The following ODAD4 variants were observed in gnomAD, a reference collection of about 807,000 sequenced individuals.
ODAD4 encodes outer dynein arm-docking complex subunit 4.
A neutral mutation model predicts 51.8 loss-of-function variants in ODAD4; 49 were observed. The observed-to-expected ratio is 0.95, with a 90% CI of 0.75 to 1.20. The LOEUF (loss-of-function observed/expected upper bound fraction) is 1.20. ODAD4 is among the 50% of genes most tolerant of loss of function. The pLI, the probability that ODAD4 is intolerant of heterozygous loss-of-function variation, is 0.00. For synonymous variants in ODAD4, 235 were observed against 221.3 expected (o/e 1.06, Z -0.55); for missense variants, 590 against 586.5 (o/e 1.01, Z -0.06).
chr17:41,956,337 C>T (rs1256373414), intron 10 of ODAD4, among the ~76,000 whole-genome samples: 1 of 152,006 alleles, frequency 6.6e-6, no homozygotes, highest in Non-Finnish European at 1.5e-5. Flanking sequence ...GTGTGAGCCA[C>T]TGTGCCTGGC....
At chr17:41,950,130 C>A (rs1375443810) in intron 9 of ODAD4, among the ~76,000 whole-genome samples, 1 of 151,054 alleles carries the variant, frequency 6.6e-6, no homozygotes, top group African/African-American at 2.4e-5. Flanking sequence ...CCACCACACC[C>A]GGCTAATTTT....
intron 9 of ODAD4, among the ~76,000 whole-genome samples, chr17:41,954,390 T>C (rs1026639564): frequency 9.9e-5 from 15 of 152,110 alleles, no homozygotes; most frequent in Non-Finnish European, 1.6e-4. Context: ...CAGCACTAAT[T>C]GGCACGGAGA....
At chr17:41,964,939 G>T in intron 11 of ODAD4, 54 bp from the exon 12 acceptor site, 1 of 651,044 alleles carries the variant, frequency 1.5e-6, no homozygotes, top group Non-Finnish European at 2.8e-6. Flanking sequence ...CACCGCACCC[G>T]GCCTGACATG....
chr17:41,939,226 G>A (rs1337017741), intron 7 of ODAD4, 54 bp downstream of exon 7: 1 of 1,506,718 alleles, frequency 6.6e-7, no homozygotes, highest in African/African-American at 1.4e-5. Context: ...GGACACCTGG[G>A]GCTATCTGAG....
At chr17:41,953,866 T>G (rs1246360474) in intron 9 of ODAD4, among the ~76,000 whole-genome samples, 1 of 151,166 alleles carries the variant, frequency 6.6e-6, no homozygotes, top group African/African-American at 2.4e-5. Context: ...CGGGTCTCAC[T>G]ATGTTGCCCA....
At chr17:41,951,935 C>T (rs1281955791) in intron 9 of ODAD4, among the ~76,000 whole-genome samples, 1 of 126,644 alleles carries the variant, frequency 7.9e-6, no homozygotes, top group African/African-American at 3.0e-5. Flanking sequence ...TAGTGGCTAA[C>T]ACTTATAATC....
In ODAD4 at chr17:41,966,418, TGGTA is replaced by T. The variant is rs1331928229; in HGVS notation, c.*936_*939del. Among the ~76,000 whole-genome samples, 5 of 152,036 alleles carry T rather than the reference TGGTA, an allele frequency of 3.3e-5. No individual in the cohort carries two copies. The highest frequency in any genetic ancestry group is 1.2e-4 in the African/African-American group (5 of 41,388). The stretch of plus-strand genomic sequence containing the variant: ...TGCATGATAATATTTTAATCCAATG[TGGTA>T]AAAAAAAAAGTTTTTAATTAATGCA... On this transcript the variant is annotated 3_prime_UTR_variant, in exon 12 of 12. Transcript: ENST00000377540.
intron 1 of ODAD4, 43 bp downstream of exon 1, chr17:41,930,880 AC>A: frequency 4.4e-5 from 6 of 135,224 alleles, no homozygotes; most frequent in Non-Finnish European, 7.4e-5. Context: ...ATCACCCGTC[AC>A]TTTTTTTTTT....
At chr17:41,935,151 C>G in intron 1 of ODAD4, 66 bp from the exon 2 acceptor site, 1 of 1,599,368 alleles carries the variant, frequency 6.3e-7, no homozygotes, top group Non-Finnish European at 8.5e-7. Context: ...TTTGGGCTGC[C>G]CTTCCCACTC....
rs2050318034 is a variant in ODAD4, at chr17:41,930,804, G to A, written c.81G>A (p.Gly27=). Residue 27 remains glycine, a synonymous_variant, in exon 1 of 12, where the codon GGG becomes GGA. Coordinates refer to ENST00000377540, the MANE Select transcript of ODAD4 (RefSeq NM_031421.5). The part of the protein sequence containing the change: ...MAEGERLYLC[G]EFSKAAQSFS... Reference sequence around the variant, plus strand: ...AAGGCGAGCGGCTCTACCTGTGCGGGGAATTTTCTAAAGCCGCGCAGAGCT... The same window carrying A: ...AAGGCGAGCGGCTCTACCTGTGCGGAGAATTTTCTAAAGCCGCGCAGAGCT... The A allele has an allele frequency of 5.0e-6, 8 of 1,592,874 alleles. No homozygotes were observed. The highest frequency in any genetic ancestry group is 1.7e-5 in the Admixed American group (1 of 58,150).
intron 7 of ODAD4, among the ~76,000 whole-genome samples, chr17:41,943,680 G>A (rs1555639003): frequency 1.3e-5 from 2 of 152,182 alleles, no homozygotes; most frequent in African/African-American, 2.4e-5. Flanking sequence ...TATACGTGCA[G>A]GTCACAGGAG....
chr17:41,958,269 C>T (rs1283782965), intron 10 of ODAD4, among the ~76,000 whole-genome samples: 1 of 152,176 alleles, frequency 6.6e-6, no homozygotes, highest in African/African-American at 2.4e-5. Context: ...GGTTTCACAG[C>T]CTTGATATGT....
intron 9 of ODAD4, among the ~76,000 whole-genome samples, chr17:41,950,263 C>G (rs2050635601): frequency 6.6e-6 from 1 of 152,174 alleles, no homozygotes; most frequent in Admixed American, 6.6e-5. Flanking sequence ...AGCCACCACA[C>G]CCAGCCAGCA....
intron 8 of ODAD4, among the ~76,000 whole-genome samples, chr17:41,946,447 C>A (rs958444536): frequency 6.6e-6 from 1 of 152,136 alleles, no homozygotes; most frequent in Non-Finnish European, 1.5e-5. Context: ...GTCTCAGCTT[C>A]CCGAGTAGCT....
At position 41,960,475 on chromosome 17, in the gene ODAD4, A is replaced by C. The variant is rs551735718; in HGVS notation, c.1444-907A>C. Among the ~76,000 whole-genome samples, 968 of 152,216 alleles carry C rather than the reference A, an allele frequency of 6.4e-3. 12 individuals are homozygous for C. Among genetic ancestry groups the C allele is most frequent in the African/African-American group, 0.021 (872 of 41,534 alleles). On this transcript the variant is annotated intron_variant, in intron 10 of 11. Transcript: ENST00000377540. The stretch of plus-strand genomic sequence containing the variant: ...AAAAAAAAACAAACAAACAAACAAA[A>C]AACAAAGCACAAACCCTGGTTCATG...
intron 10 of ODAD4, among the ~76,000 whole-genome samples, chr17:41,957,154 C>T (rs2144534018): frequency 6.6e-6 from 1 of 152,270 alleles, no homozygotes; most frequent in South Asian, 2.1e-4. Flanking sequence ...GATCCTCCTG[C>T]CTCGGGCTTC....
chr17:41,934,218 T>C (rs1233715245), intron 1 of ODAD4, among the ~76,000 whole-genome samples: 1 of 151,712 alleles, frequency 6.6e-6, no homozygotes, highest in African/African-American at 2.4e-5. Context: ...ATTTTTGTAT[T>C]TTTAGTAGAA....
At chr17:41,938,926 G>A (rs782704439) in intron 6 of ODAD4, 39 bp from the exon 7 acceptor site, 2 of 1,596,118 alleles carry the variant, frequency 1.3e-6, no homozygotes, top group African/African-American at 2.7e-5. Flanking sequence ...GCTAAGAGGA[G>A]GCTGCCCTGG....
chr17:41,931,832 G>A (rs2050344776), intron 1 of ODAD4, among the ~76,000 whole-genome samples: 1 of 152,078 alleles, frequency 6.6e-6, no homozygotes. Flanking sequence ...GTGAGCTGCT[G>A]CACCAACCAG....
Sources: allele counts gnomAD v4.1 joint callset (sites outside exome capture counted in the v4.1 genomes callset), GRCh38; gene constraint gnomAD v4.1.1; transcripts MANE v1.5; gene names NCBI Gene and HGNC (gene_info 2026-07-23, HGNC 2026-07-21).